The following ARHGEF10 variants were observed in gnomAD, a reference collection of about 807,000 sequenced individuals.
The protein encoded by ARHGEF10 is Rho guanine nucleotide exchange factor (GEF) 10.
A neutral mutation model predicts 147.4 loss-of-function variants in ARHGEF10; 140 were observed. The ratio of observed to expected loss-of-function variants is 0.95; its 90% CI spans 0.83 to 1.09. The LOEUF is 1.09. ARHGEF10 is among the 50% of genes least tolerant of loss of function. ARHGEF10 has a pLI of 0.00. For synonymous variants in ARHGEF10, 902 were observed against 695.8 expected, an observed-to-expected ratio of 1.30 and a Z score of -4.67; for missense variants, 2,222 against 1,752.7, an observed-to-expected ratio of 1.27 and a Z score of -4.78.
At chr8:1,908,766 A>G (rs1220995533) in intron 17 of ARHGEF10, among the ~76,000 whole-genome samples, 2 of 150,392 alleles carry the variant, frequency 1.3e-5, no homozygotes, top group Non-Finnish European at 3.0e-5. Context: ...TGATAAAAGA[A>G]GAAAATAATC....
intron 1 of ARHGEF10, among the ~76,000 whole-genome samples, chr8:1,836,390 C>A (rs1021573844): frequency 1.3e-5 from 2 of 152,134 alleles, no homozygotes; most frequent in East Asian, 1.9e-4. Flanking sequence ...TGCACCAGGG[C>A]AGGGAGAGTG....
Position 1,826,757 on chromosome 8 carries a change from G to A in ARHGEF10, c.-48+2644G>A, listed in dbSNP as rs80335650. 6.4e-4 allele frequency among the ~76,000 whole-genome samples: 98 copies of A among 152,366 alleles called. 1 individual carries two copies. The East Asian group carries it at 0.018, about 28-fold the overall frequency. Reference sequence around the variant, plus strand: ...CCCGTCATTGTTTACTGCACAGTGTGTGGCAGGAAGCATGCAAAGAACAGC... The same window carrying A: ...CCCGTCATTGTTTACTGCACAGTGTATGGCAGGAAGCATGCAAAGAACAGC... On this transcript the variant is annotated intron_variant, in intron 1 of 28. Coordinates refer to ENST00000349830, the MANE Select transcript of ARHGEF10 (RefSeq NM_014629.4).
At chr8:1,830,628 C>G (rs996805040) in intron 1 of ARHGEF10, among the ~76,000 whole-genome samples, 1 of 152,234 alleles carries the variant, frequency 6.6e-6, no homozygotes, top group African/African-American at 2.4e-5. Flanking sequence ...TGCTCTCACG[C>G]CCCAAGGCAG....
intron 1 of ARHGEF10, among the ~76,000 whole-genome samples, chr8:1,839,629 GCTGT>G (rs1253542163): frequency 7.3e-6 from 1 of 136,510 alleles, no homozygotes; most frequent in African/African-American, 2.9e-5. Context: ...TGGTGTGGAA[GCTGT>G]CTGGTGTGGG....
intron 1 of ARHGEF10, among the ~76,000 whole-genome samples, chr8:1,833,030 GC>G (rs1803312384): frequency 6.6e-3 from 1 of 152 alleles, no homozygotes. Context: ...GCAGAGACAG[GC>G]AGAGAGAGAC....
chr8:1,824,005 G>GGACGCGGGA lies in ARHGEF10; in HGVS notation c.-152_-151insCGGGAGACG, dbSNP rs1307589631. ...TCGCGGGGGACGCGGGGGACGCGGG[G>GGACGCGGGA]GACGGCGGGGAACGGCGGGGGACGG... On this transcript the variant is annotated 5_prime_UTR_variant, in exon 1 of 29. Coordinates refer to ENST00000349830, the MANE Select transcript of ARHGEF10 (RefSeq NM_014629.4). The GGACGCGGGA allele has an allele frequency of 7.2e-6, 1 of 138,632 alleles. No homozygotes were observed. The highest frequency in any genetic ancestry group is 2.7e-5 in the African/African-American group (1 of 37,122). The allele number at this position is 138,632 out of a possible 1,614,324, so 8.6% of individuals were successfully genotyped here.
chr8:1,928,667 G>A lies in ARHGEF10; in HGVS notation c.2921+17G>A, dbSNP rs201920770. 1 of 1,613,134 alleles carries A rather than the reference G, an allele frequency of 6.2e-7. No individual in the cohort carries two copies. Among genetic ancestry groups the A allele is most frequent in the African/African-American group, 1.3e-5 (1 of 75,010 alleles). ...GGAGGGAAGGTAGGGCATGCTCACT[G>A]CGTTACAGAGAATTAGCAAGCTCTG... is the stretch of plus-strand genomic sequence containing the variant. On this transcript the variant is annotated intron_variant, in intron 24 of 28. Transcript: ENST00000349830.
intron 27 of ARHGEF10, among the ~76,000 whole-genome samples, chr8:1,946,411 G>A (rs12548952): frequency 0.51 from 77,316 of 152,076 alleles, 20,060 homozygotes; most frequent in African/African-American, 0.6. Context: ...GCCCCTCCGC[G>A]TTCTGGAGGC....
At chr8:1,882,257 A>G (rs1329119892) in intron 9 of ARHGEF10, among the ~76,000 whole-genome samples, 2 of 152,216 alleles carry the variant, frequency 1.3e-5, no homozygotes, top group African/African-American at 2.4e-5. Flanking sequence ...CGGGGAGGTT[A>G]AAAGGCTGAA....
intron 18 of ARHGEF10, among the ~76,000 whole-genome samples, chr8:1,910,195 C>G (rs17750361): frequency 0.058 from 8,775 of 152,176 alleles, 369 homozygotes; most frequent in South Asian, 0.18. Flanking sequence ...TGGGAACTTT[C>G]AGTTAACCTT....
intron 16 of ARHGEF10, among the ~76,000 whole-genome samples, chr8:1,904,729 C>T (rs373433674): frequency 6.6e-6 from 1 of 152,134 alleles, no homozygotes; most frequent in Non-Finnish European, 1.5e-5. Flanking sequence ...GCGGGTGTCT[C>T]GCTGGTTGCT....
intron 7 of ARHGEF10, chr8:1,869,732 C>T (rs1806930749): frequency 4.3e-6 from 1 of 232,036 alleles, no homozygotes; most frequent in Non-Finnish European, 8.7e-6. Context: ...ATGGAGGCCG[C>T]GGAGCACCAG....
rs13278826 is a variant in ARHGEF10, at chr8:1,862,781, T to C, written c.482-1592T>C. On this transcript the variant is annotated intron_variant, in intron 4 of 28. Coordinates refer to ENST00000349830, the MANE Select transcript of ARHGEF10 (RefSeq NM_014629.4). ...TTTTCCTTTTTTTCTTCTTCTTTTTTTTTTTTTTTTTTTTTGAGACAGAGT... is the reference window on the plus strand; with the variant it reads ...TTTTCCTTTTTTTCTTCTTCTTTTTCTTTTTTTTTTTTTTTGAGACAGAGT... Among the ~76,000 whole-genome samples the C allele has an allele frequency of 7.2e-3, 738 of 103,160 alleles. 7 individuals carry two copies. The East Asian group carries it at 0.084, about 12-fold the overall frequency. 67.7% of individuals were successfully genotyped at this position (103,160 alleles called of 152,430 possible). A position where few individuals can be genotyped will look rare whatever the true frequency, so the allele number is the denominator to read the frequency against.
Position 1,938,420 on chromosome 8 carries a change from A to G in ARHGEF10, c.3222+4478A>G, listed in dbSNP as rs145166242. Reference sequence around the variant, plus strand: ...TTCTTCCTCACTCTTGATTTTCTGCAATATGCAGTGCTCTTGACTGAAGAC... The same window carrying G: ...TTCTTCCTCACTCTTGATTTTCTGCGATATGCAGTGCTCTTGACTGAAGAC... On this transcript the variant is annotated intron_variant, in intron 26 of 28. Transcript: ENST00000349830. Among the ~76,000 whole-genome samples the G allele has an allele frequency of 6.0e-4, 92 of 152,312 alleles. No homozygotes were observed. The East Asian group carries it at 0.013, about 22-fold the overall frequency.
chr8:1,854,361 C>T (rs532027125), intron 2 of ARHGEF10, among the ~76,000 whole-genome samples: 1 of 152,386 alleles, frequency 6.6e-6, no homozygotes, highest in South Asian at 2.1e-4. Context: ...GGCACCCATG[C>T]AGGCAGGGGT....
At chr8:1,840,337 A>G (rs1420291831) in intron 1 of ARHGEF10, among the ~76,000 whole-genome samples, 18 of 80,752 alleles carry the variant, frequency 2.2e-4, no homozygotes, top group Non-Finnish European at 3.1e-4. Flanking sequence ...AAGCTGTCCG[A>G]TATGGGGACT....
intron 2 of ARHGEF10, among the ~76,000 whole-genome samples, chr8:1,850,656 A>G (rs1805062739): frequency 6.6e-6 from 1 of 152,178 alleles, no homozygotes; most frequent in African/African-American, 2.4e-5. Flanking sequence ...TTCAAACCTG[A>G]GCACACTCTT....
intron 27 of ARHGEF10, among the ~76,000 whole-genome samples, chr8:1,949,889 T>C (rs1349880985): frequency 6.6e-6 from 1 of 152,082 alleles, no homozygotes; most frequent in African/African-American, 2.4e-5. Context: ...TAGCATTCCC[T>C]CCCATACTTG....
At chr8:1,920,594 C>G (rs1286845960) in intron 18 of ARHGEF10, among the ~76,000 whole-genome samples, 1 of 151,974 alleles carries the variant, frequency 6.6e-6, no homozygotes, top group Non-Finnish European at 1.5e-5. Context: ...TCCCAAAGTG[C>G]TGACATTATA....
Sources: allele counts gnomAD v4.1 joint callset (sites outside exome capture counted in the v4.1 genomes callset), GRCh38; gene constraint gnomAD v4.1.1; transcripts MANE v1.5; gene names NCBI Gene and HGNC (gene_info 2026-07-23, HGNC 2026-07-21).